CAST: variants seen among roughly 807,000 people sequenced by gnomAD.
The protein encoded by CAST is MIR583 host.
In CAST, 76 loss-of-function variants were observed where a neutral mutation model predicts 119.6. The ratio of observed to expected loss-of-function variants is 0.64; its 90% confidence interval spans 0.53 to 0.77. The LOEUF (loss-of-function observed/expected upper bound fraction) is 0.77, where lower values mean the gene tolerates loss of function less well. CAST is among the 30% of genes least tolerant of loss of function. The pLI is 0.00. For synonymous variants in CAST, 319 were observed against 331.6 expected, an observed-to-expected ratio of 0.96 and a Z score of 0.41; for missense variants, 953 against 946.5, an observed-to-expected ratio of 1.01 and a Z score of -0.09.
chr5:96,106,567 A>G, the CAST span, among the ~76,000 whole-genome samples: 12 of 148,806 alleles, frequency 8.1e-5, no homozygotes, highest in African/African-American at 3.0e-4. Flanking sequence ...TTCTAGTTTG[A>G]TTGCACTGTG....
chr5:96,491,699 T>G, the CAST span, among the ~76,000 whole-genome samples: 7 of 152,022 alleles, frequency 4.6e-5, no homozygotes, highest in Non-Finnish European at 1.0e-4. Context: ...TAGGAATATG[T>G]GCATAGGAAT....
chr5:96,689,186 A>G (rs112284144), intron 2 of CAST, among the ~76,000 whole-genome samples: 4,111 of 152,332 alleles, frequency 0.027, 73 homozygotes, highest in Middle Eastern at 0.044. Context: ...TACGAATACA[A>G]AAAATACTCT....
chr5:96,219,689 A>G, the CAST span, among the ~76,000 whole-genome samples: 1 of 151,664 alleles, frequency 6.6e-6, no homozygotes, highest in Non-Finnish European at 1.5e-5. Context: ...AGAAGGAAGG[A>G]AGGGAAGGAA....
the CAST span, among the ~76,000 whole-genome samples, chr5:96,455,880 T>C: frequency 6.6e-6 from 1 of 152,236 alleles, no homozygotes; most frequent in Non-Finnish European, 1.5e-5. Context: ...CTTGTATACC[T>C]TAAGGTCTCT....
At chr5:96,410,161 G>A in the CAST span, among the ~76,000 whole-genome samples, 3,750 of 152,194 alleles carry the variant, frequency 0.025, 178 homozygotes, top group African/African-American at 0.087. Flanking sequence ...GGGAAATCCA[G>A]TAATTGCCCT....
chr5:96,377,276 G>C, the CAST span, among the ~76,000 whole-genome samples: 24 of 152,096 alleles, frequency 1.6e-4, no homozygotes, highest in African/African-American at 5.5e-4. Flanking sequence ...TATGAATTTA[G>C]TGTAGGCTAA....
chr5:96,087,690 G>A, the CAST span, among the ~76,000 whole-genome samples: 6 of 152,194 alleles, frequency 3.9e-5, no homozygotes, highest in African/African-American at 7.2e-5. Context: ...GAGTGGTGAT[G>A]GATGGTACTT....
rs1746892822 is a variant in CAST at position 96,588,196 on chromosome 5, C to CTTTCTTTT, written c.60+58319_60+58320insCTTTTTTT. On this transcript the variant is annotated intron_variant, in intron 1 of 11. Coordinates refer to the CAST transcript ENST00000505143. ...TATTATTTTCTTTCTTTCTTTCTTT[C>CTTTCTTTT]TTTTTTTTTTTTTTTTTTTTTTTTG... is the stretch of plus-strand genomic sequence containing the variant. Among the ~76,000 whole-genome samples, 13 of 75,844 alleles carry CTTTCTTTT rather than the reference C, an allele frequency of 1.7e-4. No individual in the cohort carries two copies. The South Asian group carries it at 1.8e-3, about 10-fold the overall frequency. 49.8% of individuals were successfully genotyped at this position (75,844 alleles called of 152,430 possible). A position where few individuals can be genotyped will look rare whatever the true frequency, so the allele number is the denominator to read the frequency against.
chr5:96,512,783 A>T, the CAST span, among the ~76,000 whole-genome samples: 1 of 152,252 alleles, frequency 6.6e-6, no homozygotes, highest in Admixed American at 6.5e-5. Flanking sequence ...CTTAGTATTA[A>T]TATCAGTAAT....
chr5:95,961,470 A>C, the CAST span: 47 of 1,255,350 alleles, frequency 3.7e-5, no homozygotes, highest in Middle Eastern at 2.9e-4. Context: ...CGCTGACGGT[A>C]GCAGCTGCCA....
At chr5:96,498,205 T>C in the CAST span, among the ~76,000 whole-genome samples, 1 of 152,364 alleles carries the variant, frequency 6.6e-6, no homozygotes, top group South Asian at 2.1e-4. Flanking sequence ...GGCTCTGTTC[T>C]GTTCCATTGG....
At chr5:96,244,175 AG>A in the CAST span, among the ~76,000 whole-genome samples, 1 of 152,160 alleles carries the variant, frequency 6.6e-6, no homozygotes, top group African/African-American at 2.4e-5. Context: ...CATTTTTTCC[AG>A]TTCTATGAGC....
the CAST span, among the ~76,000 whole-genome samples, chr5:96,518,218 A>G: frequency 6.6e-6 from 1 of 152,234 alleles, no homozygotes; most frequent in Non-Finnish European, 1.5e-5. Flanking sequence ...TCATCTATAC[A>G]CATTTTAGCT....
intron 1 of CAST, among the ~76,000 whole-genome samples, chr5:96,530,543 A>G (rs1745672259): frequency 6.6e-6 from 1 of 152,174 alleles, no homozygotes; most frequent in Non-Finnish European, 1.5e-5. Flanking sequence ...GCATGTCCAT[A>G]AACACTTTAA....
chr5:96,136,646 T>A, the CAST span, among the ~76,000 whole-genome samples: 2 of 152,238 alleles, frequency 1.3e-5, no homozygotes, highest in Non-Finnish European at 2.9e-5. Flanking sequence ...ACCATCTGTC[T>A]ATATTATGCT....
the CAST span, among the ~76,000 whole-genome samples, chr5:96,077,122 T>C: frequency 1.2e-4 from 18 of 152,116 alleles, no homozygotes; most frequent in Middle Eastern, 3.4e-3. Flanking sequence ...TACTGGCAAC[T>C]TAGCCTTCAA....
the CAST span, among the ~76,000 whole-genome samples, chr5:96,126,083 A>G: frequency 1.3e-5 from 2 of 152,166 alleles, no homozygotes; most frequent in African/African-American, 4.8e-5. Context: ...ACCCTCTTTT[A>G]GAAGAATCAG....
the CAST span, among the ~76,000 whole-genome samples, chr5:96,450,976 A>G: frequency 1.1e-4 from 16 of 152,170 alleles, no homozygotes; most frequent in Non-Finnish European, 1.9e-4. Context: ...TATAAAGAAA[A>G]TTCCCTCCTC....
chr5:96,495,661 C>G, the CAST span, among the ~76,000 whole-genome samples: 1 of 152,118 alleles, frequency 6.6e-6, no homozygotes, highest in African/African-American at 2.4e-5. Context: ...TTTGTCCACT[C>G]TATGATTGAT....
Sources: gnomAD v4.1 joint callset for allele counts (sites outside exome capture counted in the v4.1 genomes callset) on GRCh38, gnomAD v4.1.1 for gene constraint, MANE v1.5 for transcripts, NCBI Gene and HGNC (gene_info 2026-07-23, HGNC 2026-07-21) for gene names.